Variants in FRYL observed in about 807,000 individuals in gnomAD.
FRYL encodes the protein FRY like transcription coactivator.
In FRYL, 150 loss-of-function variants were observed where a neutral mutation model predicts 351.2. That is an observed-to-expected ratio of 0.43 (90% confidence interval 0.37 to 0.49). The LOEUF is 0.49. Among genes scored for constraint, FRYL ranks in the 20% least tolerant of loss-of-function variants. The pLI, the probability that FRYL is intolerant of heterozygous loss-of-function variation, is 0.00. For synonymous variants in FRYL, 1,153 were observed against 1,257.1 expected (o/e 0.92, Z 1.75); for missense variants, 3,036 against 3,619.3 (o/e 0.84, Z 4.13).
At chr4:48,615,501 A>T (rs1162564902) in intron 7 of FRYL, among the ~76,000 whole-genome samples, 1 of 152,250 alleles carries the variant, frequency 6.6e-6, no homozygotes. Flanking sequence ...TATTAAAAAG[A>T]GTATTGCTTC....
intron 26 of FRYL, among the ~76,000 whole-genome samples, chr4:48,572,557 TATA>T: frequency 6.6e-6 from 1 of 152,364 alleles, no homozygotes; most frequent in East Asian, 1.9e-4. Context: ...GCACTTCATC[TATA>T]ATGCCTTCCT....
rs150493027 is a variant in FRYL at position 48,554,272 on chromosome 4, A to T, written c.4267-889T>A. 3.1e-3 allele frequency among the ~76,000 whole-genome samples: 471 copies of T among 152,282 alleles called. 4 individuals carry two copies. Among genetic ancestry groups the T allele is most frequent in the Non-Finnish European group, 5.1e-3 (345 of 68,016 alleles). ...GAATGATTCGTATTTTTACAGACAT[A>T]TGAAAAGCACTGCTTTATATGACCC... On this transcript the variant is annotated intron_variant, in intron 35 of 63. Coordinates refer to ENST00000358350, the MANE Select transcript of FRYL (RefSeq NM_015030.2).
In FRYL at chr4:48,527,666, TAAAA is replaced by T. The variant is rs11356838; in HGVS notation, c.7141-17_7141-14del. On this transcript the variant is annotated splice_polypyrimidine_tract_variant and intron_variant, in intron 52 of 63. Transcript: ENST00000358350. ...AAGAAAATACAACCTGATGCCCGATTAAAAAAAAAAAAAAAGTCCATCCATCAGA... is the reference window on the plus strand; with the variant it reads ...AAGAAAATACAACCTGATGCCCGATTAAAAAAAAAAAGTCCATCCATCAGA... The T allele has an allele frequency of 8.6e-5, 108 of 1,261,698 alleles. No homozygotes were observed. Among genetic ancestry groups the T allele is most frequent in the South Asian group, 3.7e-4 (25 of 66,944 alleles). 78.2% of individuals were successfully genotyped at this position (1,261,698 alleles called of 1,614,324 possible). A position where few individuals can be genotyped will look rare whatever the true frequency, so the allele number is the denominator to read the frequency against.
intron 18 of FRYL, among the ~76,000 whole-genome samples, chr4:48,588,176 C>T (rs966744462): frequency 1.7e-4 from 26 of 152,264 alleles, no homozygotes; most frequent in African/African-American, 6.3e-4. Context: ...CCTGGTCTCC[C>T]AGGATAACCC....
chr4:48,770,369 T>C (rs1420606605), intron 1 of FRYL, among the ~76,000 whole-genome samples: 1 of 152,188 alleles, frequency 6.6e-6, no homozygotes, highest in African/African-American at 2.4e-5. Context: ...AACTAATATA[T>C]TTTAAATTAT....
At chr4:48,646,911 A>C (rs545270114) in intron 3 of FRYL, among the ~76,000 whole-genome samples, 1 of 152,306 alleles carries the variant, frequency 6.6e-6, no homozygotes, top group African/African-American at 2.4e-5. Context: ...AGCAGATGTT[A>C]TCCTGGCAAA....
In FRYL at chr4:48,573,621, C is replaced by T. The variant is rs181593884; in HGVS notation, c.2847-378G>A. ...CTGGAGTGCAATGGCGTGATCTCGG[C>T]TCACTGCAACTTACGCCTCCCGGAT... On this transcript the variant is annotated intron_variant, in intron 25 of 63. Transcript: ENST00000358350. 5.6e-3 allele frequency among the ~76,000 whole-genome samples: 850 copies of T among 152,272 alleles called. 3 individuals carry two copies. The highest frequency in any genetic ancestry group is 8.4e-3 in the Non-Finnish European group (574 of 68,020).
intron 1 of FRYL, among the ~76,000 whole-genome samples, chr4:48,759,092 G>T (rs1390548602): frequency 6.6e-6 from 1 of 152,158 alleles, no homozygotes; most frequent in African/African-American, 2.4e-5. Context: ...GGCGTTGGGG[G>T]AAGGGGGGAG....
In FRYL at chr4:48,758,829, C is replaced by T. The variant is rs181787850; in HGVS notation, c.-384+21249G>A. Among the ~76,000 whole-genome samples the T allele has an allele frequency of 9.1e-3, 1,391 of 152,262 alleles. 25 individuals are homozygous for T. Among genetic ancestry groups the T allele is most frequent in the African/African-American group, 0.032 (1,329 of 41,534 alleles). On this transcript the variant is annotated intron_variant, in intron 1 of 63. Transcript: ENST00000358350. ...CACAATAGCAAAGACTTGGAACCAACCCAAATGTCCATCAATGATAGACTG... is the reference window on the plus strand; with the variant it reads ...CACAATAGCAAAGACTTGGAACCAATCCAAATGTCCATCAATGATAGACTG...
chr4:48,750,709 C>G (rs1370275294), intron 1 of FRYL, among the ~76,000 whole-genome samples: 1 of 152,088 alleles, frequency 6.6e-6, no homozygotes, highest in East Asian at 1.9e-4. Context: ...TTGGCCCAAG[C>G]AACTAGAAAG....
chr4:48,776,520 G>A (rs1223602402), intron 1 of FRYL, among the ~76,000 whole-genome samples: 1 of 152,154 alleles, frequency 6.6e-6, no homozygotes, highest in Non-Finnish European at 1.5e-5. Flanking sequence ...TCTAACTTCT[G>A]TTAATTTTAG....
At chr4:48,676,603 G>C (rs1763733424) in intron 3 of FRYL, among the ~76,000 whole-genome samples, 1 of 151,082 alleles carries the variant, frequency 6.6e-6, no homozygotes, top group South Asian at 2.1e-4. Context: ...GTGTTAGCCA[G>C]GATGGTCTCA....
intron 1 of FRYL, among the ~76,000 whole-genome samples, chr4:48,773,395 G>A (rs1043577296): frequency 1.3e-5 from 2 of 152,148 alleles, no homozygotes; most frequent in African/African-American, 4.8e-5. Context: ...AGGGGCAAAT[G>A]TCACATCACA....
At chr4:48,568,327 A>G (rs1243570491) in intron 27 of FRYL, among the ~76,000 whole-genome samples, 1 of 152,128 alleles carries the variant, frequency 6.6e-6, no homozygotes. Flanking sequence ...CCACTGACTG[A>G]CTGATGGAGT....
chr4:48,553,099 A>G (rs887858230), intron 36 of FRYL, 116 bp downstream of exon 36: 14 of 671,710 alleles, frequency 2.1e-5, no homozygotes, highest in African/African-American at 3.6e-5. Flanking sequence ...TTTATTGTAT[A>G]TATCTGAGAT....
intron 1 of FRYL, among the ~76,000 whole-genome samples, chr4:48,725,739 T>A (rs1770003945): frequency 1.3e-5 from 2 of 152,202 alleles, no homozygotes; most frequent in African/African-American, 4.8e-5. Flanking sequence ...ATCTTTATTT[T>A]ACTTAACAAT....
At chr4:48,722,433 G>A (rs1769590325) in intron 1 of FRYL, among the ~76,000 whole-genome samples, 1 of 152,062 alleles carries the variant, frequency 6.6e-6, no homozygotes, top group Non-Finnish European at 1.5e-5. Flanking sequence ...ACACACTACT[G>A]ACTTTCTCAA....
intron 25 of FRYL, among the ~76,000 whole-genome samples, chr4:48,573,469 G>A (rs1386023445): frequency 1.3e-5 from 2 of 152,084 alleles, no homozygotes; most frequent in Non-Finnish European, 2.9e-5. Context: ...TTTATAGAGG[G>A]AATACTACCA....
chr4:48,626,770 C>A (rs931395733), intron 4 of FRYL, among the ~76,000 whole-genome samples: 1 of 152,082 alleles, frequency 6.6e-6, no homozygotes, highest in Non-Finnish European at 1.5e-5. Context: ...TATGAAGCTT[C>A]TCTATCCAGT....
Sources: allele counts gnomAD v4.1 joint callset (sites outside exome capture counted in the v4.1 genomes callset), GRCh38; gene constraint gnomAD v4.1.1; transcripts MANE v1.5; gene names NCBI Gene and HGNC (gene_info 2026-07-23, HGNC 2026-07-21).